The following KCNN2 variants were observed in gnomAD, a reference collection of about 807,000 sequenced individuals.
The protein encoded by KCNN2 is small conductance calcium-activated potassium channel protein 2.
A neutral mutation model predicts 55.5 loss-of-function variants in KCNN2; 24 were observed. The ratio of observed to expected loss-of-function variants is 0.43; its 90% CI spans 0.31 to 0.61. The LOEUF is 0.61. KCNN2 is among the 20% of genes least tolerant of loss of function. The pLI is 0.08. For synonymous variants in KCNN2, 431 were observed against 336.1 expected (o/e 1.28, Z -3.09); for missense variants, 754 against 853.6 (o/e 0.88, Z 1.45).
intron 1 of KCNN2, among the ~76,000 whole-genome samples, chr5:114,095,029 A>C (rs1362768710): frequency 1.3e-5 from 2 of 152,144 alleles, no homozygotes; most frequent in South Asian, 4.1e-4. Context: ...TGCAATATGC[A>C]TGAGGCCTGA....
At chr5:114,428,487 GT>G (rs1759693936) in intron 3 of KCNN2, among the ~76,000 whole-genome samples, 1 of 151,928 alleles carries the variant, frequency 6.6e-6, no homozygotes. Context: ...TTAAGCCTTA[GT>G]TTTTTATCTA....
intron 4 of KCNN2, among the ~76,000 whole-genome samples, chr5:114,471,868 C>T (rs529407808): frequency 5.5e-4 from 83 of 152,292 alleles, no homozygotes; most frequent in Middle Eastern, 3.4e-3. Context: ...TCTCCTCAAT[C>T]GTGTCCCTCC....
chr5:114,403,245 G>C (rs1236721723), intron 2 of KCNN2, among the ~76,000 whole-genome samples: 3 of 152,172 alleles, frequency 2.0e-5, no homozygotes, highest in Non-Finnish European at 4.4e-5. Flanking sequence ...TTTGGAAGTG[G>C]ATTTGATTTT....
intron 2 of KCNN2, among the ~76,000 whole-genome samples, chr5:114,338,518 T>TTTG (rs1561576617): frequency 6.6e-6 from 1 of 152,094 alleles, no homozygotes; most frequent in Non-Finnish European, 1.5e-5. Context: ...ATGTTGAAAC[T>TTTG]TAGAAAAAGT....
At chr5:114,166,236 C>T (rs772153330) in intron 1 of KCNN2, among the ~76,000 whole-genome samples, 10 of 152,082 alleles carry the variant, frequency 6.6e-5, no homozygotes, top group African/African-American at 2.4e-4. Flanking sequence ...CTGTCTTTTG[C>T]ATCTGGCAAA....
At chr5:114,285,110 G>C (rs540148076) in intron 2 of KCNN2, among the ~76,000 whole-genome samples, 5 of 150,576 alleles carry the variant, frequency 3.3e-5, no homozygotes, top group African/African-American at 1.2e-4. Flanking sequence ...GTGAAACCCC[G>C]TCTCTACTAA....
At chr5:114,338,461 G>T (rs554815029) in intron 2 of KCNN2, among the ~76,000 whole-genome samples, 60 of 152,222 alleles carry the variant, frequency 3.9e-4, no homozygotes, top group South Asian at 8.3e-4. Flanking sequence ...GGTCATTCTC[G>T]TGACACTCCA....
At chr5:114,262,926 T>A (rs1157180706) in intron 2 of KCNN2, among the ~76,000 whole-genome samples, 1 of 152,184 alleles carries the variant, frequency 6.6e-6, no homozygotes, top group Non-Finnish European at 1.5e-5. Flanking sequence ...AATGCGATGA[T>A]CCTATTATAT....
At chr5:114,251,407 A>C (rs1265317588) in intron 2 of KCNN2, among the ~76,000 whole-genome samples, 1 of 152,310 alleles carries the variant, frequency 6.6e-6, no homozygotes, top group East Asian at 1.9e-4. Flanking sequence ...AACTTTTCTG[A>C]GTCTCAGTTT....
chr5:114,067,216 G>T (rs929915582), intron 1 of KCNN2, among the ~76,000 whole-genome samples: 1 of 152,148 alleles, frequency 6.6e-6, no homozygotes, highest in Non-Finnish European at 1.5e-5. Context: ...TTCCTAGATG[G>T]CATATGGAGA....
chr5:114,210,333 A>G (rs145338600), intron 1 of KCNN2, among the ~76,000 whole-genome samples: 8 of 152,292 alleles, frequency 5.3e-5, no homozygotes, highest in African/African-American at 1.7e-4. Flanking sequence ...CACATAATAC[A>G]TGGTATGTAT....
At chr5:114,272,333 TACACACATATATGTATGTACATAC>T (rs1755359217) in intron 2 of KCNN2, among the ~76,000 whole-genome samples, 12 of 122,198 alleles carry the variant, frequency 9.8e-5, no homozygotes, top group African/African-American at 3.7e-4. Flanking sequence ...TATGTACATA[TACACACATATATGTATGTACATAC>T]CATATACACA....
chr5:114,190,358 A>G (rs1753425424), intron 1 of KCNN2, among the ~76,000 whole-genome samples: 1 of 152,186 alleles, frequency 6.6e-6, no homozygotes, highest in Non-Finnish European at 1.5e-5. Flanking sequence ...AAATAAGGGG[A>G]TCTGCATATA....
intron 1 of KCNN2, among the ~76,000 whole-genome samples, chr5:114,154,112 T>C (rs770348467): frequency 2.6e-5 from 4 of 152,106 alleles, no homozygotes; most frequent in African/African-American, 4.8e-5. Flanking sequence ...ACCCTTCATG[T>C]TTTACTCCAG....
chr5:114,159,966 A>G (rs1752730041), intron 1 of KCNN2, among the ~76,000 whole-genome samples: 2 of 152,022 alleles, frequency 1.3e-5, no homozygotes, highest in African/African-American at 4.8e-5. Context: ...TCCTGGATTC[A>G]TTGATTTTTT....
intron 1 of KCNN2, among the ~76,000 whole-genome samples, chr5:114,167,103 C>A (rs1752928439): frequency 1.3e-5 from 2 of 152,042 alleles, no homozygotes; most frequent in South Asian, 4.1e-4. Flanking sequence ...CAGCTGAGAT[C>A]CTAAACAATA....
rs115495082 is a variant in KCNN2, at chr5:114,305,016, G to A, written c.-184-55929G>A. The stretch of plus-strand genomic sequence containing the variant: ...TTTTTTTAAGATTATATCAGTCAGC[G>A]TCTAATCGCAAGATGGAAACCACAC... On this transcript the variant is annotated intron_variant, in intron 2 of 10. Coordinates refer to the KCNN2 transcript ENST00000512097. Among the ~76,000 whole-genome samples, 1,093 of 152,260 alleles carry A rather than the reference G, an allele frequency of 7.2e-3. 9 individuals carry two copies. The highest frequency in any genetic ancestry group is 0.025 in the African/African-American group (1,045 of 41,548).
At chr5:114,381,328 G>T (rs190878273) in intron 2 of KCNN2, among the ~76,000 whole-genome samples, 51 of 152,238 alleles carry the variant, frequency 3.4e-4, no homozygotes, top group Admixed American at 2.1e-3. Context: ...TCATTGCAGG[G>T]CATTTGTTTC....
At chr5:114,295,619 AG>A (rs1561560008) in intron 2 of KCNN2, among the ~76,000 whole-genome samples, 1 of 152,120 alleles carries the variant, frequency 6.6e-6, no homozygotes, top group African/African-American at 2.4e-5. Flanking sequence ...TTCTTTGACT[AG>A]GAAAGGGAAC....
Sources: allele counts gnomAD v4.1 joint callset (sites outside exome capture counted in the v4.1 genomes callset), GRCh38; gene constraint gnomAD v4.1.1; transcripts MANE v1.5; gene names NCBI Gene and HGNC (gene_info 2026-07-23, HGNC 2026-07-21).